The following ADAMTS17 variants were observed in gnomAD, a reference collection of about 807,000 sequenced individuals.
The protein encoded by ADAMTS17 is ADAM metallopeptidase with thrombospondin type 1 motif 17, also known as A disintegrin and metalloproteinase with thrombospondin motifs 17.
Under a neutral mutation model 141.5 loss-of-function variants are expected in ADAMTS17, and 113 were observed. The observed-to-expected ratio is 0.80, with a 90% CI of 0.69 to 0.93. The LOEUF is 0.93. Among genes scored for constraint, ADAMTS17 ranks in the 40% least tolerant of loss-of-function variants. ADAMTS17 has a pLI of 0.00. For synonymous variants in ADAMTS17, 768 were observed against 630.6 expected (o/e 1.22, Z -3.27); for missense variants, 1,659 against 1,517.9 (o/e 1.09, Z -1.54).
intron 15 of ADAMTS17, among the ~76,000 whole-genome samples, chr15:100,058,630 G>A (rs983352879): frequency 1.3e-5 from 2 of 152,350 alleles, no homozygotes; most frequent in East Asian, 3.9e-4. Context: ...GCCTGGGGAA[G>A]CCCTGCTTCT....
intron 18 of ADAMTS17, among the ~76,000 whole-genome samples, chr15:100,020,238 G>T (rs1157844296): frequency 6.6e-6 from 1 of 152,194 alleles, no homozygotes; most frequent in Non-Finnish European, 1.5e-5. Context: ...CCCCGCTGCT[G>T]CTCCACTTTG....
chr15:100,278,273 T>G (rs1439708438), intron 4 of ADAMTS17, among the ~76,000 whole-genome samples: 1 of 150,828 alleles, frequency 6.6e-6, no homozygotes, highest in African/African-American at 2.4e-5. Flanking sequence ...ACTGAGCTGG[T>G]CCACATAAAA....
chr15:100,040,856 C>A (rs1029703668), intron 18 of ADAMTS17, among the ~76,000 whole-genome samples: 2 of 152,218 alleles, frequency 1.3e-5, no homozygotes, highest in Non-Finnish European at 2.9e-5. Context: ...CTCCTCCCCA[C>A]TCACATACCA....
chr15:99,977,386 ATATATATATATATAATTTTTTTTTTTTT>A (rs2060378051), intron 20 of ADAMTS17, among the ~76,000 whole-genome samples: 3 of 11,476 alleles, frequency 2.6e-4, no homozygotes, highest in African/African-American at 6.9e-4. Flanking sequence ...ATATATATAT[ATATATATATATATAATTTTTTTTTTTTT>A]TTTTTTTTTT....
chr15:100,247,606 A>G (rs913143061), intron 7 of ADAMTS17, among the ~76,000 whole-genome samples: 2 of 152,152 alleles, frequency 1.3e-5, no homozygotes, highest in Non-Finnish European at 2.9e-5. Context: ...GCCCGTTTTC[A>G]TATGTTTGTG....
chr15:100,161,526 T>C (rs1317227944), intron 8 of ADAMTS17, among the ~76,000 whole-genome samples: 1 of 152,220 alleles, frequency 6.6e-6, no homozygotes, highest in Non-Finnish European at 1.5e-5. Context: ...TGCCTGGCAA[T>C]TCCTATTCAA....
intron 6 of ADAMTS17, among the ~76,000 whole-genome samples, chr15:100,257,532 TC>T (rs1419026307): frequency 6.6e-6 from 1 of 152,210 alleles, no homozygotes; most frequent in Admixed American, 6.5e-5. Context: ...AAGCTCAGGC[TC>T]CCGGGCTGGC....
chr15:100,176,501 A>T (rs1331319383), intron 8 of ADAMTS17, among the ~76,000 whole-genome samples: 1 of 152,194 alleles, frequency 6.6e-6, no homozygotes, highest in Non-Finnish European at 1.5e-5. Context: ...ATAGCTATGG[A>T]AAGGAAAAAC....
intron 7 of ADAMTS17, among the ~76,000 whole-genome samples, chr15:100,233,768 G>A (rs1384555873): frequency 6.6e-6 from 1 of 152,064 alleles, no homozygotes; most frequent in South Asian, 2.1e-4. Flanking sequence ...GATGTCAGGG[G>A]GAGAGTGTGC....
chr15:99,977,737 A>G (rs1249905535), intron 20 of ADAMTS17, among the ~76,000 whole-genome samples: 3 of 151,842 alleles, frequency 2.0e-5, no homozygotes, highest in African/African-American at 7.3e-5. Flanking sequence ...TCCTTAAAGC[A>G]TTTCCCAGGT....
rs752691628 is a variant in ADAMTS17 at position 100,330,999 on chromosome 15, G to C, written c.506C>G (p.Ser169Cys). ...EQVLIQPLNN[S>C]QGPFSGREHL... ...TTCTCGTCCACTGAATGGGCCCTGG[G>C]AGTTGTTGAGGGGCTGGATTAGCAC... Residue 169 changes from serine to cysteine, a missense_variant, in exon 3 of 22, where the codon TCC becomes TGC. Ser to Cys is a moderately radical substitution (Grantham distance 112, BLOSUM62 -1). Coordinates refer to ENST00000268070, the MANE Select transcript of ADAMTS17 (RefSeq NM_139057.4). The C allele has an allele frequency of 1.2e-6, 2 of 1,614,158 alleles. No homozygotes were observed. The highest frequency in any genetic ancestry group is 1.7e-6 in the Non-Finnish European group (2 of 1,180,028).
chr15:100,043,586 G>A (rs1251146495), intron 18 of ADAMTS17, among the ~76,000 whole-genome samples: 1 of 152,188 alleles, frequency 6.6e-6, no homozygotes, highest in Non-Finnish European at 1.5e-5. Flanking sequence ...TTACGTGTGG[G>A]CTATGTCTGG....
intron 18 of ADAMTS17, among the ~76,000 whole-genome samples, chr15:100,038,055 C>G (rs962059536): frequency 1.3e-5 from 2 of 152,214 alleles, no homozygotes; most frequent in African/African-American, 4.8e-5. Flanking sequence ...AGCCAATGCG[C>G]CCCACCTCCA....
intron 15 of ADAMTS17, among the ~76,000 whole-genome samples, chr15:100,079,721 A>T (rs1295852335): frequency 6.6e-6 from 1 of 152,164 alleles, no homozygotes; most frequent in African/African-American, 2.4e-5. Flanking sequence ...TACTCCGGAT[A>T]TGGGTTTGCC....
chr15:100,075,619 C>G (rs2034317775), intron 15 of ADAMTS17, among the ~76,000 whole-genome samples: 1 of 152,158 alleles, frequency 6.6e-6, no homozygotes, highest in Non-Finnish European at 1.5e-5. Context: ...TGTCTAATAA[C>G]TATTAGGCTA....
chr15:100,008,168 G>A (rs2061075878), intron 18 of ADAMTS17, among the ~76,000 whole-genome samples: 2 of 152,070 alleles, frequency 1.3e-5, no homozygotes, highest in African/African-American at 4.8e-5. Context: ...TGCTGAGTGG[G>A]CTCTGCAGAC....
chr15:100,048,041 C>A (rs368758144), intron 18 of ADAMTS17, among the ~76,000 whole-genome samples: 1 of 152,024 alleles, frequency 6.6e-6, no homozygotes, highest in Non-Finnish European at 1.5e-5. Context: ...CAAAGGGGGT[C>A]GGTGCAAAAG....
At chr15:100,300,488 A>G (rs974917927) in intron 3 of ADAMTS17, among the ~76,000 whole-genome samples, 8 of 152,090 alleles carry the variant, frequency 5.3e-5, no homozygotes, top group Non-Finnish European at 2.9e-5. Flanking sequence ...CCAACTTTCC[A>G]ATGCCCCCAC....
In ADAMTS17 at chr15:100,131,870, G is replaced by C. The variant is rs1161298772; in HGVS notation, c.1721+137C>G. 19 of 1,349,228 alleles carry C rather than the reference G, an allele frequency of 1.4e-5. No homozygotes were observed. The Admixed American group carries it at 3.3e-4, about 24-fold the overall frequency. 83.6% of individuals were successfully genotyped at this position (1,349,228 alleles called of 1,614,324 possible). A position where few individuals can be genotyped will look rare whatever the true frequency, so the allele number is the denominator to read the frequency against. Reference sequence around the variant, plus strand: ...ACACACACGAGGTCCCTGCACCCTGGACCTTGGCTGGGTTTCATTTTCCAT... The same window carrying C: ...ACACACACGAGGTCCCTGCACCCTGCACCTTGGCTGGGTTTCATTTTCCAT... On this transcript the variant is annotated intron_variant, in intron 12 of 21. Coordinates refer to ENST00000268070, the MANE Select transcript of ADAMTS17 (RefSeq NM_139057.4).
Sources: allele counts gnomAD v4.1 joint callset (sites outside exome capture counted in the v4.1 genomes callset), GRCh38; gene constraint gnomAD v4.1.1; transcripts MANE v1.5; gene names NCBI Gene and HGNC (gene_info 2026-07-23, HGNC 2026-07-21).